GRM5: variants seen among roughly 807,000 people sequenced by gnomAD.
GRM5 encodes metabotropic glutamate receptor 5.
A neutral mutation model predicts 83.1 loss-of-function variants in GRM5; 19 were observed. The ratio of observed to expected loss-of-function variants is 0.23; its 90% CI spans 0.16 to 0.34. GRM5 has a LOEUF of 0.34. Among genes scored for constraint, GRM5 ranks in the 10% least tolerant of loss-of-function variants. The pLI is 1.00. For missense variants in GRM5, 1,160 were observed against 1,588.3 expected, an observed-to-expected ratio of 0.73 and a Z score of 4.58; for synonymous variants, 675 against 633.6, an observed-to-expected ratio of 1.07 and a Z score of -0.98.
At chr11:88,687,235 G>C (rs886502935) in intron 3 of GRM5, among the ~76,000 whole-genome samples, 3 of 151,762 alleles carry the variant, frequency 2.0e-5, no homozygotes, top group African/African-American at 7.3e-5. Context: ...AGCACTTTGA[G>C]AGGCTGAGGC....
intron 1 of GRM5, among the ~76,000 whole-genome samples, chr11:89,055,361 G>C (rs1346367420): frequency 1.3e-5 from 2 of 152,148 alleles, no homozygotes; most frequent in African/African-American, 4.8e-5. Flanking sequence ...TTTAAAAATA[G>C]TCCCTTCCTA....
intron 2 of GRM5, among the ~76,000 whole-genome samples, chr11:89,024,082 G>A (rs1225096328): frequency 6.6e-6 from 1 of 151,758 alleles, no homozygotes; most frequent in Non-Finnish European, 1.5e-5. Flanking sequence ...TGGGCGTGGT[G>A]GTCCACATCT....
chr11:89,047,156 A>G lies in GRM5; in HGVS notation c.661+56T>C. The G allele has an allele frequency of 7.4e-7, 1 of 1,348,216 alleles. No homozygotes were observed. Among genetic ancestry groups the G allele is most frequent in the Non-Finnish European group, 1.0e-6 (1 of 974,530 alleles). The allele number at this position is 1,348,216 out of a possible 1,614,324, so 83.5% of individuals were successfully genotyped here. A position where few individuals can be genotyped will look rare whatever the true frequency, so the allele number is the denominator to read the frequency against. On this transcript the variant is annotated intron_variant, in intron 2 of 9. Transcript: ENST00000305447. The surrounding 1 kb of genome is among the most constrained non-coding windows in gnomAD (Gnocchi z 5.1). ...ATAGTTTACTCTTCCCAAACCTGAA[A>G]TTGTAACTGTTGAGTGCATAATAAT...
At chr11:88,776,042 T>C (rs1227529700) in intron 3 of GRM5, among the ~76,000 whole-genome samples, 1 of 152,172 alleles carries the variant, frequency 6.6e-6, no homozygotes, top group African/African-American at 2.4e-5. Context: ...CAGTGGGGTG[T>C]TAAAGTCTCC....
chr11:88,627,997 A>G (rs1987994), intron 4 of GRM5, among the ~76,000 whole-genome samples: 22,080 of 152,106 alleles, frequency 0.15, 3,366 homozygotes, highest in African/African-American at 0.38. Flanking sequence ...TATTTGTTAC[A>G]ATCTATGACA....
chr11:88,654,379 A>T (rs960667593), intron 3 of GRM5, among the ~76,000 whole-genome samples: 7 of 152,092 alleles, frequency 4.6e-5, no homozygotes, highest in African/African-American at 7.2e-5. Flanking sequence ...GAAGAAGGAA[A>T]GTGACTTGTC....
At chr11:88,556,485 G>A (rs183835569) in intron 8 of GRM5, among the ~76,000 whole-genome samples, 12 of 151,844 alleles carry the variant, frequency 7.9e-5, no homozygotes, top group Non-Finnish European at 1.5e-4. Context: ...ATCATGCCCC[G>A]CTAATTTTTA....
At chr11:89,024,730 T>G (rs1941087514) in intron 2 of GRM5, among the ~76,000 whole-genome samples, 1 of 152,202 alleles carries the variant, frequency 6.6e-6, no homozygotes, top group East Asian at 1.9e-4. Context: ...TGTGTATTAC[T>G]GGAAAAAACA....
At chr11:88,590,542 C>G in intron 7 of GRM5, 59 bp downstream of exon 7, 1 of 1,433,496 alleles carries the variant, frequency 7.0e-7, no homozygotes, top group Non-Finnish European at 9.8e-7. Flanking sequence ...TGACCCCCCT[C>G]TCCCACGTCT....
chr11:88,522,997 G>A (rs1321320692), intron 9 of GRM5: 2 of 152,014 alleles, frequency 1.3e-5, no homozygotes, highest in East Asian at 1.9e-4. Context: ...CCTACTCTCT[G>A]TGTACTACCC....
At position 88,602,083 on chromosome 11, in the gene GRM5, T is replaced by A. The variant is rs1667400628; in HGVS notation, c.1394+2635A>T. 3.3e-5 allele frequency among the ~76,000 whole-genome samples: 5 copies of A among 152,262 alleles called. No individual in the cohort carries two copies. In the South Asian group the frequency reaches 8.3e-4, roughly 25 times the overall value. On this transcript the variant is annotated intron_variant, in intron 5 of 9. Transcript: ENST00000305447. ...TTAGAGCTCTGAAATTTTTTTTTCT[T>A]TTTTTTGTAACTCACTTGGCAGCAA... is the stretch of plus-strand genomic sequence containing the variant.
At chr11:88,905,605 G>A (rs1444809488) in intron 2 of GRM5, among the ~76,000 whole-genome samples, 4 of 152,154 alleles carry the variant, frequency 2.6e-5, no homozygotes, top group Non-Finnish European at 4.4e-5. Flanking sequence ...GCCTCCCAAA[G>A]TGTTGGGATT....
At chr11:88,707,403 T>A (rs1399607873) in intron 3 of GRM5, among the ~76,000 whole-genome samples, 1 of 152,134 alleles carries the variant, frequency 6.6e-6, no homozygotes, top group African/African-American at 2.4e-5. Flanking sequence ...GAGATAGAGA[T>A]GTCTTCCTAT....
At chr11:89,034,246 G>A (rs1246563777) in intron 2 of GRM5, among the ~76,000 whole-genome samples, 1 of 151,722 alleles carries the variant, frequency 6.6e-6, no homozygotes, top group East Asian at 1.9e-4. Flanking sequence ...TATCTCAAAG[G>A]GAACAGTACT....
At chr11:88,707,959 A>G (rs1433942108) in intron 3 of GRM5, among the ~76,000 whole-genome samples, 3 of 152,046 alleles carry the variant, frequency 2.0e-5, no homozygotes, top group African/African-American at 7.2e-5. Context: ...TTTCCAGATT[A>G]TGGTCTTTCT....
intron 7 of GRM5, among the ~76,000 whole-genome samples, chr11:88,589,921 G>T (rs1937609945): frequency 6.6e-6 from 1 of 151,968 alleles, no homozygotes; most frequent in African/African-American, 2.4e-5. Context: ...GTTTATTGAA[G>T]AAAAATTGGA....
chr11:88,805,885 T>G (rs991278577), intron 3 of GRM5, among the ~76,000 whole-genome samples: 2 of 152,202 alleles, frequency 1.3e-5, no homozygotes, highest in African/African-American at 4.8e-5. Flanking sequence ...TTTATTTTTT[T>G]CCTTGACACT....
In GRM5 at chr11:88,796,402, G is replaced by A. The variant is rs568622033; in HGVS notation, c.911+53504C>T. On this transcript the variant is annotated intron_variant, in intron 3 of 9. Transcript: ENST00000305447. Reference sequence around the variant, plus strand: ...ATCCTTAATAATGTATGCTGAATAAGTGAATTAAATTTTTATAAAAAGTGT... The same window carrying A: ...ATCCTTAATAATGTATGCTGAATAAATGAATTAAATTTTTATAAAAAGTGT... Among the ~76,000 whole-genome samples, 68 of 152,212 alleles carry A rather than the reference G, an allele frequency of 4.5e-4. 1 individual carries two copies. The highest frequency in any genetic ancestry group is 4.1e-4 in the South Asian group (2 of 4,826).
intron 2 of GRM5, among the ~76,000 whole-genome samples, chr11:88,871,039 T>C (rs536781057): frequency 2.9e-4 from 44 of 151,650 alleles, no homozygotes; most frequent in African/African-American, 1.0e-3. Context: ...ATGTACTCCA[T>C]GAATACGTAC....
Sources: gnomAD v4.1 joint callset for allele counts (sites outside exome capture counted in the v4.1 genomes callset) on GRCh38, gnomAD v4.1.1 for gene constraint, Gnocchi (gnomAD v3.1) non-coding constraint, MANE v1.5 for transcripts, NCBI Gene and HGNC (gene_info 2026-07-23, HGNC 2026-07-21) for gene names.